The following ZNF804A variants were observed in gnomAD, a reference collection of about 807,000 sequenced individuals.
ZNF804A encodes zinc finger protein 804A.
A neutral mutation model predicts 16.5 loss-of-function variants in ZNF804A; 2 were observed. The observed-to-expected ratio is 0.12, with a 90% confidence interval of 0.05 to 0.38. The LOEUF (loss-of-function observed/expected upper bound fraction) is 0.38. Ranked by LOEUF, ZNF804A falls within the 10% of genes least tolerant of loss-of-function variation. ZNF804A has a pLI of 0.99. For missense variants in ZNF804A, 1,473 were observed against 1,390.7 expected (o/e 1.06, Z -0.94); for synonymous variants, 534 against 489.6 (o/e 1.09, Z -1.20).
chr2:184,915,028 T>C (rs1250241688), intron 2 of ZNF804A, among the ~76,000 whole-genome samples: 1 of 151,866 alleles, frequency 6.6e-6, no homozygotes, highest in East Asian at 1.9e-4. Flanking sequence ...AGTAGTAATT[T>C]TTATTTTGGT....
At chr2:184,601,355 C>T (rs977721503) in intron 1 of ZNF804A, among the ~76,000 whole-genome samples, 2 of 151,954 alleles carry the variant, frequency 1.3e-5, no homozygotes, top group African/African-American at 4.8e-5. Context: ...CTTTATAGCA[C>T]ATAGGATGCT....
chr2:184,754,673 G>A (rs1693932649), intron 1 of ZNF804A, among the ~76,000 whole-genome samples: 1 of 151,568 alleles, frequency 6.6e-6, no homozygotes, highest in Non-Finnish European at 1.5e-5. Context: ...ATTTATCATT[G>A]CAGTATTTGG....
At chr2:184,778,265 C>A (rs1356973417) in intron 1 of ZNF804A, among the ~76,000 whole-genome samples, 1 of 151,496 alleles carries the variant, frequency 6.6e-6, no homozygotes, top group Non-Finnish European at 1.5e-5. Context: ...ATTCATTGAG[C>A]ATATAACTCT....
chr2:184,789,558 T>C (rs755939993), intron 1 of ZNF804A, among the ~76,000 whole-genome samples: 2 of 152,104 alleles, frequency 1.3e-5, no homozygotes, highest in Non-Finnish European at 2.9e-5. Flanking sequence ...TCTGATTCAA[T>C]CTCGGGAGGT....
intron 1 of ZNF804A, among the ~76,000 whole-genome samples, chr2:184,673,668 G>A (rs1692375074): frequency 6.6e-6 from 1 of 152,234 alleles, no homozygotes; most frequent in East Asian, 1.9e-4. Context: ...GTATTGCTTT[G>A]TGTGTCTCTT....
intron 1 of ZNF804A, among the ~76,000 whole-genome samples, chr2:184,790,852 C>G (rs903075447): frequency 6.6e-6 from 1 of 152,150 alleles, no homozygotes; most frequent in African/African-American, 2.4e-5. Context: ...ATCCACCCAC[C>G]TCGGCCTCCC....
intron 1 of ZNF804A, among the ~76,000 whole-genome samples, chr2:184,852,605 T>C (rs1284234084): frequency 1.3e-5 from 2 of 151,614 alleles, no homozygotes; most frequent in East Asian, 1.9e-4. Flanking sequence ...AAGTCTTTTA[T>C]CAATTTTGAG....
At chr2:184,693,188 A>G (rs1353580464) in intron 1 of ZNF804A, among the ~76,000 whole-genome samples, 2 of 152,132 alleles carry the variant, frequency 1.3e-5, no homozygotes, top group African/African-American at 2.4e-5. Context: ...GTATTATTAT[A>G]TTCCTTTTAG....
At chr2:184,905,312 A>G (rs902831239) in intron 2 of ZNF804A, among the ~76,000 whole-genome samples, 1 of 152,078 alleles carries the variant, frequency 6.6e-6, no homozygotes, top group Non-Finnish European at 1.5e-5. Context: ...ACTGATTCTT[A>G]TGTTTAATGT....
intron 1 of ZNF804A, among the ~76,000 whole-genome samples, chr2:184,723,978 A>C (rs1693362849): frequency 6.6e-6 from 1 of 151,778 alleles, no homozygotes; most frequent in Admixed American, 6.6e-5. Flanking sequence ...ATACTTAGAA[A>C]TTAATGAAGA....
rs201293895 is a variant in ZNF804A at position 184,936,261 on chromosome 2, G to A, written c.865G>A (p.Glu289Lys). ...HPPEAMCRDK[E>K]TVQTQEIKEV... ...ACCAGAGGCAATGTGCAGAGACAAA[G>A]AAACTGTTCAAACTCAAGAGATAAA... Residue 289 changes from glutamate to lysine, a missense_variant, in exon 4 of 4, where the codon GAA becomes AAA. Physicochemically the swap from Glu to Lys is moderately conservative, Grantham distance 56. Transcript: ENST00000302277. 3 of 1,613,910 alleles carry A rather than the reference G, an allele frequency of 1.9e-6. No homozygotes were observed. The highest frequency in any genetic ancestry group is 1.7e-5 in the Admixed American group (1 of 59,966).
At chr2:184,756,928 T>G (rs1693967790) in intron 1 of ZNF804A, among the ~76,000 whole-genome samples, 1 of 152,068 alleles carries the variant, frequency 6.6e-6, no homozygotes, top group African/African-American at 2.4e-5. Flanking sequence ...AAACAATTTA[T>G]GACTTTAAAA....
chr2:184,759,507 T>G lies in ZNF804A; in HGVS notation c.112-106862T>G, dbSNP rs201457701. On this transcript the variant is annotated intron_variant, in intron 1 of 3. Coordinates refer to ENST00000302277, the MANE Select transcript of ZNF804A (RefSeq NM_194250.2). Reference sequence around the variant, plus strand: ...TATTCCAAAATTTTTATAATATATATTTTTAAAAAGAAATAGAACATGAAT... The same window carrying G: ...TATTCCAAAATTTTTATAATATATAGTTTTAAAAAGAAATAGAACATGAAT... Among the ~76,000 whole-genome samples the G allele has an allele frequency of 2.6e-5, 4 of 151,942 alleles. No homozygotes were observed. The East Asian group carries it at 7.7e-4, about 29-fold the overall frequency.
Position 184,938,706 on chromosome 2 carries a change from C to T in ZNF804A, c.3310C>T (p.Gln1104Ter). 6.2e-7 allele frequency: 1 copy of T among 1,613,526 alleles called. No individual in the cohort carries two copies. Among genetic ancestry groups the T allele is most frequent in the Non-Finnish European group, 8.5e-7 (1 of 1,179,742 alleles). The stretch of plus-strand genomic sequence containing the variant: ...AACCACTATCCATCACACTGTTTTG[C>T]AGCAGCACGCTGCAGCTGCTGCAGC... Reference protein sequence around the residue: ...SVTTIHHTVLQQHAAAAAAAA... With the variant: ...SVTTIHHTVL The change falls in exon 4 of 4, where the codon CAG becomes TAG. Residue 1104 changes from glutamine to a stop codon, truncating the protein, a stop_gained. Transcript: ENST00000302277. LOFTEE classifies it low-confidence loss of function (END_TRUNC).
chr2:184,628,110 T>A (rs1691535381), intron 1 of ZNF804A, among the ~76,000 whole-genome samples: 2 of 152,036 alleles, frequency 1.3e-5, no homozygotes, highest in South Asian at 4.1e-4. Context: ...AGGTCTGGAG[T>A]TGGAGACCAG....
At chr2:184,701,454 T>C (rs1692918037) in intron 1 of ZNF804A, among the ~76,000 whole-genome samples, 1 of 151,992 alleles carries the variant, frequency 6.6e-6, no homozygotes, top group Non-Finnish European at 1.5e-5. Flanking sequence ...AAGTATGTTT[T>C]AGTCATTTTA....
At chr2:184,914,146 G>A (rs1261577346) in intron 2 of ZNF804A, among the ~76,000 whole-genome samples, 1 of 152,072 alleles carries the variant, frequency 6.6e-6, no homozygotes, top group Admixed American at 6.6e-5. Flanking sequence ...TCTTGGCCTG[G>A]CCCATCCTGC....
chr2:184,837,964 G>T (rs1031756924), intron 1 of ZNF804A, among the ~76,000 whole-genome samples: 1 of 152,074 alleles, frequency 6.6e-6, no homozygotes, highest in Non-Finnish European at 1.5e-5. Flanking sequence ...AGGAAAAAAG[G>T]CAGTTTACCT....
intron 1 of ZNF804A, among the ~76,000 whole-genome samples, chr2:184,606,636 G>T (rs889105216): frequency 1.4e-4 from 21 of 152,210 alleles, no homozygotes; most frequent in African/African-American, 4.1e-4. Flanking sequence ...TACTCTTGAT[G>T]ATGTGGTTTG....
Sources: gnomAD v4.1 joint callset for allele counts (sites outside exome capture counted in the v4.1 genomes callset) on GRCh38, gnomAD v4.1.1 for gene constraint, MANE v1.5 for transcripts, NCBI Gene and HGNC (gene_info 2026-07-23, HGNC 2026-07-21) for gene names.